Variants in ARB2A observed in about 807,000 individuals in gnomAD.
ARB2A encodes the protein cotranscriptional regulator ARB2A.
the ARB2A span, among the ~76,000 whole-genome samples, chr5:93,787,431 T>C: frequency 6.6e-6 from 1 of 152,198 alleles, no homozygotes; most frequent in Non-Finnish European, 1.5e-5. Flanking sequence ...TGTCTGTGTA[T>C]AATATTTATT....
chr5:93,756,954 C>T, the ARB2A span, among the ~76,000 whole-genome samples: 1 of 151,962 alleles, frequency 6.6e-6, no homozygotes, highest in Non-Finnish European at 1.5e-5. Flanking sequence ...AGGCGAAGTC[C>T]AATGCAAGCA....
the ARB2A span, among the ~76,000 whole-genome samples, chr5:93,628,502 G>C: frequency 6.6e-6 from 1 of 152,184 alleles, no homozygotes; most frequent in African/African-American, 2.4e-5. Context: ...CTCTCTAGCT[G>C]TGAAAGTCCT....
the ARB2A span, among the ~76,000 whole-genome samples, chr5:94,060,112 C>A: frequency 6.6e-6 from 1 of 152,148 alleles, no homozygotes; most frequent in East Asian, 1.9e-4. Context: ...GTAATCCCAG[C>A]ACTTTGGAAG....
the ARB2A span, among the ~76,000 whole-genome samples, chr5:93,930,019 A>T: frequency 1.3e-5 from 2 of 151,792 alleles, no homozygotes; most frequent in East Asian, 4.0e-4. Context: ...TCTACATTCA[A>T]ATTGATTTTG....
the ARB2A span, among the ~76,000 whole-genome samples, chr5:93,661,549 C>T: frequency 2.6e-5 from 4 of 151,984 alleles, no homozygotes; most frequent in Non-Finnish European, 5.9e-5. Context: ...AGAGTCATCA[C>T]CTATCAGGGG....
chr5:93,689,492 G>A, the ARB2A span, among the ~76,000 whole-genome samples: 2 of 152,278 alleles, frequency 1.3e-5, no homozygotes, highest in Middle Eastern at 3.4e-3. Context: ...CTGCTAAGAC[G>A]CAGCATTCTC....
chr5:93,986,108 G>A, the ARB2A span, among the ~76,000 whole-genome samples: 5 of 146,944 alleles, frequency 3.4e-5, no homozygotes, highest in African/African-American at 7.6e-5. Context: ...CTACCCTGCC[G>A]CCACCCCGTC....
At chr5:93,779,154 T>C in the ARB2A span, among the ~76,000 whole-genome samples, 1 of 151,692 alleles carries the variant, frequency 6.6e-6, no homozygotes, top group South Asian at 2.1e-4. Flanking sequence ...CAGGGGCATG[T>C]GGCATTTTTA....
At chr5:93,981,221 C>T in the ARB2A span, among the ~76,000 whole-genome samples, 16 of 151,980 alleles carry the variant, frequency 1.1e-4, no homozygotes, top group African/African-American at 3.6e-4. Context: ...GCCTGCACCA[C>T]CACGCCTGGC....
chr5:93,623,763 T>C, the ARB2A span, among the ~76,000 whole-genome samples: 1 of 152,150 alleles, frequency 6.6e-6, no homozygotes, highest in Non-Finnish European at 1.5e-5. Flanking sequence ...TAAGGTAGGT[T>C]AGCAACTGAA....
At chr5:93,960,300 T>C in the ARB2A span, among the ~76,000 whole-genome samples, 24 of 151,956 alleles carry the variant, frequency 1.6e-4, no homozygotes, top group Admixed American at 1.6e-3. Context: ...AAAGAAGAAA[T>C]AACACCTTTT....
the ARB2A span, among the ~76,000 whole-genome samples, chr5:94,058,171 C>A: frequency 4.6e-3 from 701 of 151,180 alleles, 3 homozygotes; most frequent in Non-Finnish European, 7.4e-3. Context: ...AACAAGCCTC[C>A]AAGAAAAAAA....
chr5:93,794,991 C>T, the ARB2A span, among the ~76,000 whole-genome samples: 8 of 152,128 alleles, frequency 5.3e-5, no homozygotes, highest in South Asian at 2.1e-4. Flanking sequence ...GTTACTCAGG[C>T]GGTGGGCAGG....
the ARB2A span, among the ~76,000 whole-genome samples, chr5:93,909,967 T>C: frequency 2.0e-5 from 3 of 150,934 alleles, no homozygotes; most frequent in South Asian, 2.1e-4. Flanking sequence ...AGAATAAGTA[T>C]TAACTATAGG....
chr5:93,992,324 A>G, the ARB2A span, among the ~76,000 whole-genome samples: 7 of 152,078 alleles, frequency 4.6e-5, no homozygotes, highest in Admixed American at 1.3e-4. Flanking sequence ...AGAGAGAAGT[A>G]GAAATACAAT....
the ARB2A span, among the ~76,000 whole-genome samples, chr5:93,969,801 T>C: frequency 6.6e-6 from 1 of 151,884 alleles, no homozygotes; most frequent in South Asian, 2.1e-4. Context: ...CTTCAGGTCT[T>C]TAATTAAATA....
At chr5:93,960,399 C>T in the ARB2A span, among the ~76,000 whole-genome samples, 136 of 152,190 alleles carry the variant, frequency 8.9e-4, no homozygotes, top group Admixed American at 2.0e-3. Flanking sequence ...TTTTCCTCCA[C>T]GGCACATACC....
At chr5:93,733,596 C>T in the ARB2A span, 3 of 152,258 alleles carry the variant, frequency 2.0e-5, no homozygotes, top group East Asian at 5.8e-4. Flanking sequence ...TACCTAACAG[C>T]CTTTCATGAA....
chr5:94,033,828 C>T, the ARB2A span, among the ~76,000 whole-genome samples: 1 of 152,176 alleles, frequency 6.6e-6, no homozygotes, highest in Non-Finnish European at 1.5e-5. Flanking sequence ...GTCACATTTA[C>T]ATTTAATTGC....
Sources: gnomAD v4.1 joint callset for allele counts (sites outside exome capture counted in the v4.1 genomes callset) on GRCh38, gnomAD v4.1.1 for gene constraint, MANE v1.5 for transcripts, NCBI Gene and HGNC (gene_info 2026-07-23, HGNC 2026-07-21) for gene names.